The following ADGRL2 variants were observed in gnomAD, a reference collection of about 807,000 sequenced individuals.
The protein encoded by ADGRL2 is adhesion G protein-coupled receptor L2.
ADGRL2 carries 44 observed loss-of-function variants against 157.4 expected under a neutral mutation model. The observed-to-expected ratio is 0.28, with a 90% CI of 0.22 to 0.36. The LOEUF (loss-of-function observed/expected upper bound fraction) is 0.36, where lower values mean the gene tolerates loss of function less well. Among genes scored for constraint, ADGRL2 ranks in the 10% least tolerant of loss-of-function variants. The pLI is 1.00. For missense variants in ADGRL2, 1,510 were observed against 1,768.9 expected (o/e 0.85, Z 2.63); for synonymous variants, 585 against 624.7 (o/e 0.94, Z 0.95).
At chr1:81,949,460 A>G (rs1434068803) in intron 6 of ADGRL2, among the ~76,000 whole-genome samples, 2 of 152,216 alleles carry the variant, frequency 1.3e-5, no homozygotes, top group Non-Finnish European at 2.9e-5. Context: ...TGACTAAGAT[A>G]TGAAGGGTTG....
chr1:81,908,431 T>C (rs963955036), intron 3 of ADGRL2, among the ~76,000 whole-genome samples: 10 of 152,232 alleles, frequency 6.6e-5, no homozygotes, highest in Admixed American at 2.6e-4. Context: ...GCTTGATAGT[T>C]CATTTCTTTT....
chr1:81,844,732 G>A (rs568406603), intron 2 of ADGRL2, among the ~76,000 whole-genome samples: 6 of 152,078 alleles, frequency 3.9e-5, no homozygotes, highest in Admixed American at 6.6e-5. Context: ...AGAATACCTA[G>A]TCCCAGCCTC....
rs560268678 is a variant in ADGRL2 at position 81,846,843 on chromosome 1, T to C, written c.73+9786T>C. 2.0e-5 allele frequency among the ~76,000 whole-genome samples: 3 copies of C among 151,930 alleles called. No homozygotes were observed. In the South Asian group the frequency reaches 6.2e-4, roughly 31 times the overall value. Reference sequence around the variant, plus strand: ...GTTACACATTACAATAGAAAGCCTGTTGGATTTTAAGAGGCTACTTTTATA... The same window carrying C: ...GTTACACATTACAATAGAAAGCCTGCTGGATTTTAAGAGGCTACTTTTATA... On this transcript the variant is annotated intron_variant, in intron 2 of 23. Coordinates refer to ENST00000686636, the MANE Select transcript of ADGRL2 (RefSeq NM_001366006.2).
chr1:81,937,806 G>C (rs1026316844), intron 4 of ADGRL2, among the ~76,000 whole-genome samples: 5 of 151,624 alleles, frequency 3.3e-5, no homozygotes, highest in African/African-American at 1.2e-4. Flanking sequence ...GCTCTTTCCA[G>C]AACCTCAAAA....
chr1:81,355,831 C>A (rs367633925), intron 1 of ADGRL2, among the ~76,000 whole-genome samples: 10 of 152,120 alleles, frequency 6.6e-5, no homozygotes, highest in East Asian at 1.9e-4. Context: ...CCAGACCTGA[C>A]CTTATCTCTG....
chr1:81,928,884 A>G (rs1402236941), intron 3 of ADGRL2, among the ~76,000 whole-genome samples: 5 of 152,110 alleles, frequency 3.3e-5, no homozygotes, highest in Admixed American at 3.3e-4. Flanking sequence ...TAACTGAGAC[A>G]GACAGAAAGT....
intron 1 of ADGRL2, among the ~76,000 whole-genome samples, chr1:81,380,920 T>C (rs181041706): frequency 6.6e-6 from 1 of 152,218 alleles, no homozygotes; most frequent in East Asian, 1.9e-4. Context: ...CAGAAATACA[T>C]GTGGAAACTA....
At chr1:81,950,668 TA>T (rs1651486095) in intron 7 of ADGRL2, among the ~76,000 whole-genome samples, 186 bp downstream of exon 7, 2 of 152,210 alleles carry the variant, frequency 1.3e-5, no homozygotes, top group Admixed American at 6.5e-5. Flanking sequence ...TCAGGCACTA[TA>T]AATTACCTCT....
chr1:81,342,946 T>C (rs2100774954), intron 1 of ADGRL2, among the ~76,000 whole-genome samples: 1 of 152,220 alleles, frequency 6.6e-6, no homozygotes, highest in East Asian at 1.9e-4. Flanking sequence ...TGTCAATAGA[T>C]ACTCTGAGAA....
chr1:81,851,809 G>A (rs1031893932), intron 2 of ADGRL2, among the ~76,000 whole-genome samples: 14 of 149,394 alleles, frequency 9.4e-5, no homozygotes, highest in African/African-American at 2.7e-4. Context: ...TTCCACGTAC[G>A]TTTGCAAATG....
At chr1:81,416,841 G>A (rs1435682769) in intron 1 of ADGRL2, among the ~76,000 whole-genome samples, 3 of 152,144 alleles carry the variant, frequency 2.0e-5, no homozygotes, top group Non-Finnish European at 4.4e-5. Flanking sequence ...GGTACTGAAA[G>A]TTGTCCATTC....
chr1:81,771,872 A>C (rs1434205339), intron 2 of ADGRL2, among the ~76,000 whole-genome samples: 1 of 152,258 alleles, frequency 6.6e-6, no homozygotes, highest in African/African-American at 2.4e-5. Context: ...AAAAGACTTC[A>C]AACTTTGGAA....
chr1:81,658,017 C>T (rs1236620274), intron 3 of ADGRL2, among the ~76,000 whole-genome samples: 3 of 152,162 alleles, frequency 2.0e-5, no homozygotes, highest in Admixed American at 2.0e-4. Flanking sequence ...GACTGGTTCA[C>T]TGCCATATAG....
intron 2 of ADGRL2, among the ~76,000 whole-genome samples, chr1:81,459,021 G>A (rs1268691732): frequency 6.6e-6 from 1 of 152,158 alleles, no homozygotes; most frequent in Non-Finnish European, 1.5e-5. Context: ...CTGAGAGTGG[G>A]TAACCCTCTG....
chr1:81,910,247 T>C (rs945405113), intron 3 of ADGRL2, among the ~76,000 whole-genome samples: 4 of 103,120 alleles, frequency 3.9e-5, no homozygotes, highest in Admixed American at 9.7e-5. Flanking sequence ...TAAAAAACAA[T>C]AATAATAATA....
chr1:81,513,561 G>T (rs912342686), intron 2 of ADGRL2, among the ~76,000 whole-genome samples: 4 of 152,106 alleles, frequency 2.6e-5, no homozygotes, highest in Non-Finnish European at 4.4e-5. Context: ...ATAAAAGAGG[G>T]AAATGTGTTT....
chr1:81,359,412 T>C (rs2075935227), intron 1 of ADGRL2, among the ~76,000 whole-genome samples: 1 of 152,006 alleles, frequency 6.6e-6, no homozygotes, highest in Non-Finnish European at 1.5e-5. Context: ...TCAATATACA[T>C]CGCTATCCCT....
At chr1:81,831,214 C>T (rs992388784) in intron 1 of ADGRL2, among the ~76,000 whole-genome samples, 1 of 152,140 alleles carries the variant, frequency 6.6e-6, no homozygotes, top group Admixed American at 6.5e-5. Flanking sequence ...TTTGGACTTA[C>T]TATGAACAAC....
At chr1:81,633,325 G>A (rs1315600773) in intron 3 of ADGRL2, among the ~76,000 whole-genome samples, 1 of 152,054 alleles carries the variant, frequency 6.6e-6, no homozygotes, top group East Asian at 1.9e-4. Flanking sequence ...GGCGGGCGCA[G>A]TGGCTCATGC....
Sources: allele counts gnomAD v4.1 joint callset (sites outside exome capture counted in the v4.1 genomes callset), GRCh38; gene constraint gnomAD v4.1.1; transcripts MANE v1.5; gene names NCBI Gene and HGNC (gene_info 2026-07-23, HGNC 2026-07-21).